ARL13B: variants seen among roughly 807,000 people sequenced by gnomAD.
ARL13B encodes ARF like GTPase 13B, also known as ADP-ribosylation factor-like protein 13B.
A neutral mutation model predicts 56.1 loss-of-function variants in ARL13B; 36 were observed. That is an observed-to-expected ratio of 0.64 (90% confidence interval 0.49 to 0.85). ARL13B has a LOEUF of 0.85. Ranked by LOEUF, ARL13B falls within the 40% of genes least tolerant of loss-of-function variation. The pLI is 0.00. For synonymous variants in ARL13B, 178 were observed against 171.1 expected (o/e 1.04, Z -0.32); for missense variants, 519 against 507.1 (o/e 1.02, Z -0.23).
intron 5 of ARL13B, 37 bp downstream of exon 5, chr3:94,036,791 G>A (rs370220151): frequency 5.1e-6 from 8 of 1,573,496 alleles, no homozygotes; most frequent in Non-Finnish European, 6.9e-6. Flanking sequence ...TGCATTTGAA[G>A]GATCAAAAAC....
Position 94,043,165 on chromosome 3 carries a change from G to T in ARL13B, c.949G>T (p.Val317Leu). 6.2e-7 allele frequency: 1 copy of T among 1,613,638 alleles called. No homozygotes were observed. Among genetic ancestry groups the T allele is most frequent in the Non-Finnish European group, 8.5e-7 (1 of 1,179,886 alleles). Reference protein sequence around the residue: ...NGQKNNEFGLVENYKEALTQQ... With the variant: ...NGQKNNEFGLLENYKEALTQQ... ...CCAAAAAAATAATGAATTTGGACTA[G>T]TAGAAAATTATAAGGAGGCATTAAC... Residue 317 changes from valine to leucine, a missense_variant, in exon 7 of 10, where the codon GTA (valine) becomes TTA (leucine). By Grantham distance (32) the Val-to-Leu change is conservative. Coordinates refer to ENST00000394222, the MANE Select transcript of ARL13B (RefSeq NM_001174150.2).
In ARL13B at chr3:94,053,531, A is replaced by C. The variant is rs2077099143; in HGVS notation, c.*268A>C. The C allele has an allele frequency of 1.7e-6, 1 of 580,786 alleles. No individual in the cohort carries two copies. Among genetic ancestry groups the C allele is most frequent in the Non-Finnish European group, 3.2e-6 (1 of 309,592 alleles). The allele number at this position is 580,786 out of a possible 1,614,324, so 36.0% of individuals were successfully genotyped here. The stretch of plus-strand genomic sequence containing the variant: ...ATTTACTGTTGACTCTGGTTTATAC[A>C]TCCCCACTCATGAGCATACTTCTGA... On this transcript the variant is annotated 3_prime_UTR_variant, in exon 10 of 10. Coordinates refer to ENST00000394222, the MANE Select transcript of ARL13B (RefSeq NM_001174150.2).
intron 3 of ARL13B, among the ~76,000 whole-genome samples, chr3:94,029,537 C>T (rs1272920117): frequency 6.6e-6 from 1 of 151,126 alleles, no homozygotes; most frequent in Non-Finnish European, 1.5e-5. Context: ...AATGGGGTTT[C>T]ACCATGTTTG....
At position 94,014,598 on chromosome 3, in the gene ARL13B, G is replaced by A. The variant is rs138617718; in HGVS notation, c.380+10690G>A. On this transcript the variant is annotated intron_variant, in intron 3 of 9. Transcript: ENST00000394222. ...AAAGATCCCTTAAATCCTTTATTTG[G>A]TTCTCCAAATTAACAAGTTCCTTGT... 43 of 1,612,668 alleles carry A rather than the reference G, an allele frequency of 2.7e-5. No homozygotes were observed. In the African/African-American group the frequency reaches 4.5e-4, roughly 17 times the overall value.
intron 4 of ARL13B, 110 bp from the exon 5 acceptor site, chr3:94,036,442 A>C (rs2076769045): frequency 9.0e-7 from 1 of 1,109,182 alleles, no homozygotes; most frequent in Non-Finnish European, 1.3e-6. Context: ...GCTTCATATT[A>C]TTAACTTAAA....
chr3:94,051,417 C>T (rs1222726230), intron 9 of ARL13B, among the ~76,000 whole-genome samples: 2 of 152,042 alleles, frequency 1.3e-5, no homozygotes, highest in Admixed American at 6.6e-5. Context: ...TAGAAAGTTA[C>T]TAACATTTTT....
chr3:93,995,875 A>G lies in ARL13B; in HGVS notation c.61A>G (p.Lys21Glu), dbSNP rs1418132774. Residue 21 changes from lysine (K) to glutamate (E), a missense_variant and splice_region_variant, in exon 2 of 10, where the codon AAG becomes GAG. Transcript: ENST00000394222. ...WFKRWREPVR[K>E]VTLLMVGLDN... ...TTTTTAAATTTCTATTATTTTAAGAAAGGTGACTCTTTTGATGGTGGGACT... is the reference window on the plus strand; with the variant it reads ...TTTTTAAATTTCTATTATTTTAAGAGAGGTGACTCTTTTGATGGTGGGACT... The G allele has an allele frequency of 1.2e-6, 2 of 1,610,254 alleles. No individual in the cohort carries two copies. Among genetic ancestry groups the G allele is most frequent in the African/African-American group, 2.7e-5 (2 of 74,720 alleles).
At chr3:94,023,353 A>G (rs2076488881) in intron 3 of ARL13B, among the ~76,000 whole-genome samples, 1 of 151,986 alleles carries the variant, frequency 6.6e-6, no homozygotes, top group Admixed American at 6.6e-5. Flanking sequence ...CTTTCATGAA[A>G]TTCTTGACCT....
intron 3 of ARL13B, among the ~76,000 whole-genome samples, chr3:94,027,313 A>G (rs550232649): frequency 7.0e-4 from 106 of 152,168 alleles, no homozygotes; most frequent in African/African-American, 2.5e-3. Context: ...AAAATTGCAA[A>G]TTGCATATAT....
At chr3:94,002,277 G>T (rs1271914213) in intron 2 of ARL13B, among the ~76,000 whole-genome samples, 1 of 151,994 alleles carries the variant, frequency 6.6e-6, no homozygotes, top group East Asian at 1.9e-4. Context: ...ATGTTACCCA[G>T]ACTAGTCTCA....
Position 94,029,357 on chromosome 3 carries a change from T to A in ARL13B, c.381-5974T>A, listed in dbSNP as rs1394627832. The stretch of plus-strand genomic sequence containing the variant: ...ATATTTATTTTTTTTTTATTTTTTT[T>A]TTTTTTTGAGAAGGAGTCTTGCTCT... On this transcript the variant is annotated intron_variant, in intron 3 of 9. Coordinates refer to ENST00000394222, the MANE Select transcript of ARL13B (RefSeq NM_001174150.2). 2.1e-4 allele frequency among the ~76,000 whole-genome samples: 29 copies of A among 135,692 alleles called. No homozygotes were observed. In the South Asian group the frequency reaches 2.1e-3, roughly 10 times the overall value. 89.0% of individuals were successfully genotyped at this position (135,692 alleles called of 152,430 possible). A position where few individuals can be genotyped will look rare whatever the true frequency, so the allele number is the denominator to read the frequency against.
At chr3:94,003,321 G>T (rs898338920) in intron 2 of ARL13B, among the ~76,000 whole-genome samples, 1 of 152,122 alleles carries the variant, frequency 6.6e-6, no homozygotes, top group Non-Finnish European at 1.5e-5. Context: ...GATGGCTATG[G>T]TATTGAAAGG....
chr3:94,039,081 C>G (rs1340750943), intron 5 of ARL13B, among the ~76,000 whole-genome samples: 1 of 152,110 alleles, frequency 6.6e-6, no homozygotes, highest in Non-Finnish European at 1.5e-5. Context: ...ATATTCTAGT[C>G]TTTTATTCTT....
In ARL13B at chr3:94,055,140, GCATTTTAAAAA is replaced by G. The variant is rs757151218; in HGVS notation, c.*1889_*1899del. 2.7e-6 allele frequency: 1 copy of G among 363,892 alleles called. No individual in the cohort carries two copies. The highest frequency in any genetic ancestry group is 5.3e-6 in the Non-Finnish European group (1 of 189,338). The allele number at this position is 363,892 out of a possible 1,614,324, so 22.5% of individuals were successfully genotyped here. A position where few individuals can be genotyped will look rare whatever the true frequency, so the allele number is the denominator to read the frequency against. ...TCAAAAATTAATTTTTATTCCTTAA[GCATTTTAAAAA>G]CATTTTAAAAAATGTTTTGTAAATC... On this transcript the variant is annotated 3_prime_UTR_variant, in exon 10 of 10. Coordinates refer to ENST00000394222, the MANE Select transcript of ARL13B (RefSeq NM_001174150.2).
At chr3:94,029,148 A>ATGATTAATTTATATT (rs1374904645) in intron 3 of ARL13B, among the ~76,000 whole-genome samples, 1 of 150,990 alleles carries the variant, frequency 6.6e-6, no homozygotes, top group Non-Finnish European at 1.5e-5. Context: ...TCAATATAAC[A>ATGATTAATTTATATT]ACTCAAAATT....
chr3:94,043,914 T>C (rs2076923219), intron 7 of ARL13B, among the ~76,000 whole-genome samples: 1 of 151,454 alleles, frequency 6.6e-6, no homozygotes, highest in East Asian at 2.0e-4. Context: ...CACCTCGGCC[T>C]CCCGAGGTGC....
At chr3:94,045,371 CCTT>C (rs2076963346) in intron 7 of ARL13B, among the ~76,000 whole-genome samples, 1 of 151,302 alleles carries the variant, frequency 6.6e-6, no homozygotes, top group African/African-American at 2.4e-5. Context: ...TATCTGCTGA[CCTT>C]CTCTCCACTA....
Position 94,035,328 on chromosome 3 carries a change from C to T in ARL13B, c.381-3C>T, listed in dbSNP as rs777951187. 6 of 1,585,070 alleles carry T rather than the reference C, an allele frequency of 3.8e-6. No individual in the cohort carries two copies. The highest frequency in any genetic ancestry group is 5.2e-6 in the Non-Finnish European group (6 of 1,156,920). On this transcript the variant is annotated splice_polypyrimidine_tract_variant and splice_region_variant and intron_variant, in intron 3 of 9. Transcript: ENST00000394222. ...GTATAAAAGTACTTTAATTATCTTT[C>T]AGGTTGGCAAATAAACAAGATAAAG...
intron 3 of ARL13B, among the ~76,000 whole-genome samples, chr3:94,009,097 A>ATAGATAGATAGG (rs1163204774): frequency 1.3e-5 from 2 of 151,758 alleles, no homozygotes; most frequent in Non-Finnish European, 2.9e-5. Flanking sequence ...AGATAGATAG[A>ATAGATAGATAGG]TAGATAGATA....
Sources: gnomAD v4.1 joint callset for allele counts (sites outside exome capture counted in the v4.1 genomes callset) on GRCh38, gnomAD v4.1.1 for gene constraint, MANE v1.5 for transcripts, NCBI Gene and HGNC (gene_info 2026-07-23, HGNC 2026-07-21) for gene names.